PTMS: variants seen among roughly 807,000 people sequenced by gnomAD.
The protein encoded by PTMS is parathymosin.
PTMS carries 5 observed loss-of-function variants against 18.4 expected under a neutral mutation model. That is an observed-to-expected ratio of 0.27 (90% CI 0.14 to 0.57). The LOEUF is 0.57. Among genes scored for constraint, PTMS ranks in the 20% least tolerant of loss-of-function variants. PTMS has a pLI of 0.92. For missense variants in PTMS, 93 were observed against 124.6 expected, an observed-to-expected ratio of 0.75 and a Z score of 1.21; for synonymous variants, 53 against 47.7, an observed-to-expected ratio of 1.11 and a Z score of -0.46.
At position 6,766,393 on chromosome 12, in the gene PTMS, C is replaced by CG; in HGVS notation, c.-308dup. The CG allele has an allele frequency of 6.3e-6, 1 of 159,056 alleles. No individual in the cohort carries two copies. Among genetic ancestry groups the CG allele is most frequent in the Non-Finnish European group, 1.4e-5 (1 of 72,784 alleles). 9.9% of individuals were successfully genotyped at this position (159,056 alleles called of 1,614,324 possible). ...CTGGTCGGCGGCAGCTCTGCTGGTG[C>CG]GGGGGCGGCGAGCCCGGGATCGAGC... On this transcript the variant is annotated 5_prime_UTR_variant, in exon 1 of 5. Coordinates refer to ENST00000309083, the MANE Select transcript of PTMS (RefSeq NM_002824.6).
In PTMS at chr12:6,770,694, C is replaced by G. The variant is rs1941827559; in HGVS notation, c.*252C>G. 1 of 574,100 alleles carries G rather than the reference C, an allele frequency of 1.7e-6. No homozygotes were observed. The highest frequency in any genetic ancestry group is 3.1e-6 in the Non-Finnish European group (1 of 320,560). 35.6% of individuals were successfully genotyped at this position (574,100 alleles called of 1,614,324 possible). ...CCAGCTGGCCCCCAATTGCTCCTCT[C>G]TCTCTTTGCTCTCTTTCTCCCTCCC... On this transcript the variant is annotated 3_prime_UTR_variant, in exon 5 of 5. Transcript: ENST00000309083. This position sits in a 1 kb window ranked among gnomAD's most constrained non-coding sequence, Gnocchi z 7.3.
In PTMS at chr12:6,770,114, G is replaced by T. The variant is rs752307594; in HGVS notation, c.197-43G>T. ...GAGGGCGACCACGGGGGCTCTGCCA[G>T]AGCTTCCTGCCCTTCCCCAATGACC... is the stretch of plus-strand genomic sequence containing the variant. On this transcript the variant is annotated intron_variant, in intron 3 of 4. Coordinates refer to ENST00000309083, the MANE Select transcript of PTMS (RefSeq NM_002824.6). This position sits in a 1 kb window ranked among gnomAD's most constrained non-coding sequence, Gnocchi z 7.3. 3 of 1,613,336 alleles carry T rather than the reference G, an allele frequency of 1.9e-6. No homozygotes were observed. Among genetic ancestry groups the T allele is most frequent in the Non-Finnish European group, 2.5e-6 (3 of 1,179,734 alleles).
chr12:6,767,928 A>T (rs1224296806), intron 1 of PTMS, among the ~76,000 whole-genome samples: 2 of 152,106 alleles, frequency 1.3e-5, no homozygotes, highest in African/African-American at 2.4e-5. Flanking sequence ...CTGTCTCAAG[A>T]GTGTGGACCA....
At chr12:6,769,841 C>T in intron 2 of PTMS, 80 bp from the exon 3 acceptor site, 1 of 1,608,242 alleles carries the variant, frequency 6.2e-7, no homozygotes, top group Non-Finnish European at 8.5e-7. Flanking sequence ...TTTTATCACC[C>T]AGGCTCCAGT....
At chr12:6,769,200 C>A in intron 1 of PTMS, 1 of 243,626 alleles carries the variant, frequency 4.1e-6, no homozygotes, top group Non-Finnish European at 7.9e-6. Flanking sequence ...CAGAGCTGGG[C>A]GGGCAGTGGC....
At chr12:6,769,867 G>A (rs1317019014) in intron 2 of PTMS, 54 bp from the exon 3 acceptor site, 1 of 1,594,866 alleles carries the variant, frequency 6.3e-7, no homozygotes, top group Non-Finnish European at 8.5e-7. Flanking sequence ...TGGTGGTGAT[G>A]GTGGGCAAGG....
rs887685144 is a variant in PTMS, at chr12:6,766,821, C to A, written c.45+71C>A. 4 of 987,480 alleles carry A rather than the reference C, an allele frequency of 4.1e-6. 1 individual carries two copies. The highest frequency in any genetic ancestry group is 5.7e-5 in the Admixed American group (1 of 17,626). The allele number at this position is 987,480 out of a possible 1,614,324, so 61.2% of individuals were successfully genotyped here. ...GCCCGGCGCGGTCCTTCGCCCCAGG[C>A]CGCCCCCGACGGCCCCGCGCGGCCC... On this transcript the variant is annotated intron_variant, in intron 1 of 4. Transcript: ENST00000309083.
chr12:6,766,679 G>A lies in PTMS; in HGVS notation c.-27G>A, dbSNP rs1565478917. ...CTCGGCCCCGGGACCCCGGCTCCCC[G>A]CCAGCCCCGGCCCCGGCCCCGGCAC... On this transcript the variant is annotated 5_prime_UTR_variant, in exon 1 of 5. Transcript: ENST00000309083. 3 of 1,117,784 alleles carry A rather than the reference G, an allele frequency of 2.7e-6. No homozygotes were observed. The highest frequency in any genetic ancestry group is 4.3e-5 in the Admixed American group (1 of 23,220). 69.2% of individuals were successfully genotyped at this position (1,117,784 alleles called of 1,614,324 possible).
chr12:6,769,741 C>T, intron 2 of PTMS, 67 bp downstream of exon 2: 1 of 1,605,148 alleles, frequency 6.2e-7, no homozygotes, highest in South Asian at 1.1e-5. Flanking sequence ...TCTCATCCTT[C>T]CTCTGCTTTC....
chr12:6,770,808 G>A lies in PTMS; in HGVS notation c.*366G>A. The A allele has an allele frequency of 3.6e-6, 1 of 280,420 alleles. No individual in the cohort carries two copies. 17.4% of individuals were successfully genotyped at this position (280,420 alleles called of 1,614,324 possible). On this transcript the variant is annotated 3_prime_UTR_variant, in exon 5 of 5. Coordinates refer to ENST00000309083, the MANE Select transcript of PTMS (RefSeq NM_002824.6). The surrounding 1 kb of genome is among the most constrained non-coding windows in gnomAD (Gnocchi z 7.3). ...GTCCTGCCCCATCCCTATCCTGCCTGATCCCTGGATCTCCCTCAGATCCCC... is the reference window on the plus strand; with the variant it reads ...GTCCTGCCCCATCCCTATCCTGCCTAATCCCTGGATCTCCCTCAGATCCCC...
At chr12:6,769,864 G>A in intron 2 of PTMS, 57 bp from the exon 3 acceptor site, 2 of 1,597,394 alleles carry the variant, frequency 1.3e-6, no homozygotes, top group Non-Finnish European at 1.7e-6. Flanking sequence ...CATTGGTGGT[G>A]ATGGTGGGCA....
intron 1 of PTMS, chr12:6,767,598 C>CGGGGGGGGGGGG (rs56074647): frequency 1.8e-4 from 2 of 11,022 alleles, no homozygotes; most frequent in Non-Finnish European, 3.5e-4. Flanking sequence ...ATGTGTATGG[C>CGGGGGGGGGGGG]GGGGGGGGGG....
chr12:6,769,947 A>G lies in PTMS; in HGVS notation c.144A>G (p.Glu48=). ...VEEEENGAEE[E]EEETAEDGEE... ...AGGAGGAGAACGGGGCTGAGGAGGA[A>G]GAAGAAGAAACTGCCGAGGATGGAG... Residue 48 remains glutamate, a synonymous_variant, in exon 3 of 5, where the codon GAA becomes GAG. Transcript: ENST00000309083. 6.4e-7 allele frequency: 1 copy of G among 1,554,556 alleles called. No individual in the cohort carries two copies. The highest frequency in any genetic ancestry group is 8.7e-7 in the Non-Finnish European group (1 of 1,148,208).
intron 1 of PTMS, among the ~76,000 whole-genome samples, chr12:6,768,759 A>T (rs1941802289): frequency 6.6e-6 from 1 of 152,138 alleles, no homozygotes; most frequent in South Asian, 2.1e-4. Context: ...CTTGGGGTGA[A>T]GGAGAGGGGC....
chr12:6,769,747 C>G, intron 2 of PTMS, 73 bp downstream of exon 2: 1 of 1,603,904 alleles, frequency 6.2e-7, no homozygotes, highest in East Asian at 2.2e-5. Context: ...CCTTCCTCTG[C>G]TTTCCTTCCG....
At position 6,770,270 on chromosome 12, in the gene PTMS, G is replaced by A. The variant is rs752019357; in HGVS notation, c.258+52G>A. Reference sequence around the variant, plus strand: ...GGGCTGTCAGGGATGCAGCCGGGCTGGGCGCCCTTTGGATTTGGACCCAGA... The same window carrying A: ...GGGCTGTCAGGGATGCAGCCGGGCTAGGCGCCCTTTGGATTTGGACCCAGA... On this transcript the variant is annotated intron_variant, in intron 4 of 4. Coordinates refer to ENST00000309083, the MANE Select transcript of PTMS (RefSeq NM_002824.6). The surrounding 1 kb of genome is among the most constrained non-coding windows in gnomAD (Gnocchi z 7.3). 1 of 1,612,274 alleles carries A rather than the reference G, an allele frequency of 6.2e-7. No individual in the cohort carries two copies. The highest frequency in any genetic ancestry group is 1.1e-5 in the South Asian group (1 of 91,048).
chr12:6,767,207 G>T lies in PTMS; in HGVS notation c.45+457G>T, dbSNP rs553511526. 2.6e-5 allele frequency: 4 copies of T among 152,044 alleles called. 1 individual carries two copies. Among genetic ancestry groups the T allele is most frequent in the African/African-American group, 9.6e-5 (4 of 41,468 alleles). 9.4% of individuals were successfully genotyped at this position (152,044 alleles called of 1,614,324 possible). The stretch of plus-strand genomic sequence containing the variant: ...GACTCTCCCTGGAGGCTGCTCCTCC[G>T]GGCCCCTCCCCGCGGCCCGACCGTC... On this transcript the variant is annotated intron_variant, in intron 1 of 4. Transcript: ENST00000309083.
At chr12:6,769,473 C>G in intron 1 of PTMS, 130 bp from the exon 2 acceptor site, 2 of 1,010,760 alleles carry the variant, frequency 2.0e-6, no homozygotes, top group South Asian at 1.3e-5. Context: ...CCTATTCTGT[C>G]TCTAAGCTGT....
At chr12:6,766,965 G>A (rs1941773775) in intron 1 of PTMS, among the ~76,000 whole-genome samples, 2 of 151,660 alleles carry the variant, frequency 1.3e-5, no homozygotes, top group African/African-American at 4.8e-5. Flanking sequence ...GCGCACCACG[G>A]CGCCCGGCCT....
Sources: allele counts gnomAD v4.1 joint callset (sites outside exome capture counted in the v4.1 genomes callset), GRCh38; gene constraint gnomAD v4.1.1; non-coding constraint Gnocchi (gnomAD v3.1); transcripts MANE v1.5; gene names NCBI Gene and HGNC (gene_info 2026-07-23, HGNC 2026-07-21).